Variants in PCNT observed in about 807,000 individuals in gnomAD.
PCNT encodes the protein kendrin.
PCNT carries 319 observed loss-of-function variants against 380.4 expected under a neutral mutation model. The ratio of observed to expected loss-of-function variants is 0.84; its 90% CI spans 0.77 to 0.92. The LOEUF (loss-of-function observed/expected upper bound fraction) is 0.92, where lower values mean the gene tolerates loss of function less well. Among genes scored for constraint, PCNT ranks in the 40% least tolerant of loss-of-function variants. The pLI is 0.00. For missense variants in PCNT, 4,400 were observed against 4,255.3 expected, an observed-to-expected ratio of 1.03 and a Z score of -0.95; for synonymous variants, 1,845 against 1,735.2, an observed-to-expected ratio of 1.06 and a Z score of -1.57.
At chr21:46,357,218 C>T in intron 13 of PCNT, 27 bp downstream of exon 13, 1 of 1,494,506 alleles carries the variant, frequency 6.7e-7, no homozygotes, top group Non-Finnish European at 9.3e-7. Flanking sequence ...CAGCCCAGCG[C>T]CTCCCGCCCG....
chr21:46,431,930 T>C lies in PCNT; in HGVS notation c.8466T>C (p.Leu2822=). 6.2e-7 allele frequency: 1 copy of C among 1,613,978 alleles called. No homozygotes were observed. Among genetic ancestry groups the C allele is most frequent in the Non-Finnish European group, 8.5e-7 (1 of 1,179,974 alleles). ...QQQALHSQQQ[L]EAEAQKHCEA... Reference sequence around the variant, plus strand: ...AAGCCCTGCATTCTCAGCAGCAGCTTGAGGCTGAGGCTCAGAAGCACTGTG... The same window carrying C: ...AAGCCCTGCATTCTCAGCAGCAGCTCGAGGCTGAGGCTCAGAAGCACTGTG... Residue 2822 remains leucine (L), a synonymous_variant, in exon 38 of 47, where the codon CTT becomes CTC. Transcript: ENST00000359568.
At chr21:46,413,353 T>G (rs1602014922) in intron 29 of PCNT, among the ~76,000 whole-genome samples, 1 of 8,156 alleles carries the variant, frequency 1.2e-4, no homozygotes, top group African/African-American at 5.1e-4. Flanking sequence ...GGCAGCAAGG[T>G]GTGGGGAGGG....
In PCNT at chr21:46,445,635, A is replaced by G; in HGVS notation, c.*308A>G. 1 of 413,400 alleles carries G rather than the reference A, an allele frequency of 2.4e-6. No individual in the cohort carries two copies. The highest frequency in any genetic ancestry group is 4.3e-6 in the Non-Finnish European group (1 of 230,608). 25.6% of individuals were successfully genotyped at this position (413,400 alleles called of 1,614,324 possible). On this transcript the variant is annotated 3_prime_UTR_variant, in exon 47 of 47. Transcript: ENST00000359568. ...GGCAGATCCATCCTTCCTGCCTCCA[A>G]GGAGGATACACAGAGAATGGCTTCC... is the stretch of plus-strand genomic sequence containing the variant.
intron 3 of PCNT, 130 bp from the exon 4 acceptor site, chr21:46,345,998 G>A (rs761810452): frequency 1.5e-5 from 13 of 851,502 alleles, no homozygotes; most frequent in Non-Finnish European, 2.4e-5. Context: ...CCTTCTGGCC[G>A]TTGCGAGTGG....
At chr21:46,444,856 G>T in intron 46 of PCNT, 35 bp downstream of exon 46, 2 of 1,602,746 alleles carry the variant, frequency 1.2e-6, no homozygotes, top group South Asian at 1.1e-5. Context: ...TTATTAAGCT[G>T]ATTATCACTG....
intron 41 of PCNT, among the ~76,000 whole-genome samples, chr21:46,438,982 A>G (rs1046386762): frequency 6.6e-6 from 1 of 151,978 alleles, no homozygotes; most frequent in Non-Finnish European, 1.5e-5. Context: ...AGTGACTTAT[A>G]ATTTTCATAA....
chr21:46,401,469 T>TA, intron 25 of PCNT, 82 bp from the exon 26 acceptor site: 1 of 1,107,380 alleles, frequency 9.0e-7, no homozygotes, highest in South Asian at 1.3e-5. Flanking sequence ...CAGCTAAAGA[T>TA]GGTCTGTGCT....
chr21:46,378,585 T>C (rs945597794), intron 15 of PCNT, among the ~76,000 whole-genome samples: 4 of 152,098 alleles, frequency 2.6e-5, no homozygotes, highest in African/African-American at 9.7e-5. Context: ...CCGTTCAGCT[T>C]GGGGGCAGGC....
At chr21:46,341,675 G>A (rs1358376599) in intron 3 of PCNT, among the ~76,000 whole-genome samples, 5 of 151,394 alleles carry the variant, frequency 3.3e-5, no homozygotes, top group African/African-American at 7.3e-5. Context: ...CCTCCTGGAC[G>A]TGTTTTGTTT....
At chr21:46,398,384 T>G (rs2073382) in intron 24 of PCNT, 129 bp downstream of exon 24, 2 of 933,812 alleles carry the variant, frequency 2.1e-6, no homozygotes, top group Admixed American at 2.1e-5. Context: ...TGCTTTCTCT[T>G]GTCTGAGGAA....
rs587784310 is a variant in PCNT, at chr21:46,326,372, C to G, written c.55-5C>G. The G allele has an allele frequency of 6.2e-7, 1 of 1,613,724 alleles. No individual in the cohort carries two copies. Among genetic ancestry groups the G allele is most frequent in the Non-Finnish European group, 8.5e-7 (1 of 1,179,820 alleles). Reference sequence around the variant, plus strand: ...CCTTTACTACTTATCTACATTTTTGCGCAGCTTGCTCACTTCCGACAGAGA... The same window carrying G: ...CCTTTACTACTTATCTACATTTTTGGGCAGCTTGCTCACTTCCGACAGAGA... On this transcript the variant is annotated splice_region_variant and splice_polypyrimidine_tract_variant and intron_variant, in intron 1 of 46. Coordinates refer to ENST00000359568, the MANE Select transcript of PCNT (RefSeq NM_006031.6).
At chr21:46,422,493 G>C (rs2087297367) in intron 32 of PCNT, among the ~76,000 whole-genome samples, 1 of 152,218 alleles carries the variant, frequency 6.6e-6, no homozygotes, top group African/African-American at 2.4e-5. Flanking sequence ...CTCTAGGACT[G>C]AGCCGAGTTC....
Position 46,401,720 on chromosome 21 carries a change from A to T in PCNT, c.4961A>T (p.Glu1654Val). 6.2e-7 allele frequency: 1 copy of T among 1,613,872 alleles called. No homozygotes were observed. Among genetic ancestry groups the T allele is most frequent in the Non-Finnish European group, 8.5e-7 (1 of 1,179,956 alleles). ...AGAGCACTCCTGCGGCGCGAGAGCG[A>T]GGTGAGTGCAGAGTGGGGCCATGGG... Reference protein sequence around the residue: ...TQRALLRRESEVLDLKEQLEK... With the variant: ...TQRALLRRESVVLDLKEQLEK... The change falls in exon 26 of 47, where the codon GAG (glutamate) becomes GTG (valine). Residue 1654 changes from glutamate to valine, a missense_variant and splice_region_variant. Physicochemically the swap from Glu to Val is moderately radical, Grantham distance 121. Coordinates refer to ENST00000359568, the MANE Select transcript of PCNT (RefSeq NM_006031.6).
chr21:46,324,344 G>T, intron 1 of PCNT, 62 bp downstream of exon 1: 2 of 1,315,824 alleles, frequency 1.5e-6, no homozygotes, highest in Non-Finnish European at 2.2e-6. Context: ...CGGCTCCGGT[G>T]CCCGCCACCG....
intron 1 of PCNT, chr21:46,325,157 A>G (rs2083332758): frequency 2.0e-6 from 2 of 985,644 alleles, no homozygotes; most frequent in Admixed American, 1.2e-4. Flanking sequence ...GGCAGGAGAA[A>G]GGGAGTCCCG....
At position 46,411,876 on chromosome 21, in the gene PCNT, G is replaced by C. The variant is rs774248299; in HGVS notation, c.5803G>C (p.Val1935Leu). The change falls in exon 28 of 47, where the codon GTG (valine) becomes CTG (leucine). Residue 1935 changes from valine (V) to leucine (L), a missense_variant. Transcript: ENST00000359568. Reference protein sequence around the residue: ...QCARLSRQLQVLHQRFLRCQV... With the variant: ...QCARLSRQLQLLHQRFLRCQV... ...TGCCCGCCTCAGCCGCCAGCTGCAG[G>C]TGCTGCACCAGCGGTTCCTGAGGTG... 3.8e-5 allele frequency: 59 copies of C among 1,570,630 alleles called. No individual in the cohort carries two copies. The highest frequency in any genetic ancestry group is 4.9e-5 in the Non-Finnish European group (57 of 1,165,572).
rs1184356165 is a variant in PCNT, at chr21:46,412,982, A to G, written c.6140A>G (p.Asp2047Gly). 6.2e-7 allele frequency: 1 copy of G among 1,604,826 alleles called. No individual in the cohort carries two copies. Among genetic ancestry groups the G allele is most frequent in the Non-Finnish European group, 8.5e-7 (1 of 1,178,052 alleles). ...VKNEMRLSLE[D>G]GGKGKEKVLE... Reference sequence around the variant, plus strand: ...AATGAAATGCGCCTGAGTCTGGAGGACGGCGGCAAGGTGTGGGGAGGGGGG... The same window carrying G: ...AATGAAATGCGCCTGAGTCTGGAGGGCGGCGGCAAGGTGTGGGGAGGGGGG... Residue 2047 changes from aspartate (D) to glycine (G), a missense_variant, in exon 29 of 47, where the codon GAC becomes GGC. Coordinates refer to ENST00000359568, the MANE Select transcript of PCNT (RefSeq NM_006031.6).
At chr21:46,410,157 G>A (rs187736176) in intron 27 of PCNT, among the ~76,000 whole-genome samples, 3 of 152,372 alleles carry the variant, frequency 2.0e-5, no homozygotes, top group Admixed American at 2.0e-4. Context: ...GGAGCAGAAT[G>A]TGCAGCGGGC....
rs879650272 is a variant in PCNT, at chr21:46,351,419, CT to C, written c.1345-5del. Reference sequence around the variant, plus strand: ...ATTAGGGTTTCACCTGGACACTTTGCTTTTTCCAGTTAGAGAATCTTCAAGC... The same window carrying C: ...ATTAGGGTTTCACCTGGACACTTTGCTTTTCCAGTTAGAGAATCTTCAAGC... On this transcript the variant is annotated splice_polypyrimidine_tract_variant and intron_variant, in intron 8 of 46. Transcript: ENST00000359568. The C allele has an allele frequency of 6.5e-6, 10 of 1,530,842 alleles. No homozygotes were observed. Among genetic ancestry groups the C allele is most frequent in the Non-Finnish European group, 8.2e-6 (9 of 1,104,200 alleles). 94.8% of individuals were successfully genotyped at this position (1,530,842 alleles called of 1,614,324 possible).
Sources: gnomAD v4.1 joint callset for allele counts (sites outside exome capture counted in the v4.1 genomes callset) on GRCh38, gnomAD v4.1.1 for gene constraint, MANE v1.5 for transcripts, NCBI Gene and HGNC (gene_info 2026-07-23, HGNC 2026-07-21) for gene names.